The following NRXN3 variants were observed in gnomAD, a reference collection of about 807,000 sequenced individuals.
NRXN3 encodes the protein neurexin 3.
A neutral mutation model predicts 137.6 loss-of-function variants in NRXN3; 32 were observed. That is an observed-to-expected ratio of 0.23 (90% CI 0.18 to 0.31). The LOEUF (loss-of-function observed/expected upper bound fraction) is 0.31. Among genes scored for constraint, NRXN3 ranks in the 10% least tolerant of loss-of-function variants. NRXN3 has a pLI of 1.00. For synonymous variants in NRXN3, 798 were observed against 784.5 expected, an observed-to-expected ratio of 1.02 and a Z score of -0.29; for missense variants, 1,574 against 2,062.5, an observed-to-expected ratio of 0.76 and a Z score of 4.59.
intron 19 of NRXN3, among the ~76,000 whole-genome samples, chr14:79,793,967 G>T (rs2099153317): frequency 6.6e-6 from 1 of 152,134 alleles, no homozygotes; most frequent in Non-Finnish European, 1.5e-5. Context: ...TTCACTTCTT[G>T]ATGCATGCAC....
At chr14:79,690,484 A>C (rs2098712520) in intron 17 of NRXN3, among the ~76,000 whole-genome samples, 3 of 152,038 alleles carry the variant, frequency 2.0e-5, no homozygotes, top group African/African-American at 4.8e-5. Flanking sequence ...GAAACTGTTA[A>C]TTGTTCCTAT....
chr14:78,200,051 G>A (rs910434362), intron 1 of NRXN3, among the ~76,000 whole-genome samples: 2 of 152,204 alleles, frequency 1.3e-5, no homozygotes, highest in African/African-American at 2.4e-5. Context: ...ACAGCTCCTG[G>A]CATTCAACAA....
At chr14:79,531,921 G>C (rs1158224702) in intron 16 of NRXN3, among the ~76,000 whole-genome samples, 1 of 152,188 alleles carries the variant, frequency 6.6e-6, no homozygotes, top group Non-Finnish European at 1.5e-5. Flanking sequence ...ATCAAGGGGA[G>C]TGAGCAGAAA....
intron 16 of NRXN3, among the ~76,000 whole-genome samples, chr14:79,505,018 C>A (rs967843751): frequency 4.6e-5 from 7 of 151,990 alleles, no homozygotes; most frequent in Non-Finnish European, 1.0e-4. Flanking sequence ...AGTTTGAGAC[C>A]AGCCTGAACA....
At chr14:79,800,915 T>G (rs1366865603) in intron 19 of NRXN3, among the ~76,000 whole-genome samples, 1 of 152,246 alleles carries the variant, frequency 6.6e-6, no homozygotes, top group Non-Finnish European at 1.5e-5. Flanking sequence ...ATTTTCTAGA[T>G]GTTAGGGACA....
intron 4 of NRXN3, among the ~76,000 whole-genome samples, chr14:78,473,868 C>G (rs946773508): frequency 1.3e-5 from 2 of 152,154 alleles, no homozygotes; most frequent in African/African-American, 4.8e-5. Context: ...CTTGAATGTC[C>G]TAATTATGAG....
chr14:79,792,183 C>G (rs1399874092), intron 19 of NRXN3, among the ~76,000 whole-genome samples: 1 of 151,252 alleles, frequency 6.6e-6, no homozygotes, highest in Admixed American at 6.6e-5. Flanking sequence ...CAGCACCTCT[C>G]AAAACAGAAA....
rs10143375 is a variant in NRXN3, at chr14:79,474,140, T to C, written c.3444+6738T>C. The stretch of plus-strand genomic sequence containing the variant: ...GATTTGAGTTCCATTTTTCAATCCA[T>C]TTCTGTCAGTGAGCTATGTGACTTT... On this transcript the variant is annotated intron_variant, in intron 16 of 20. Transcript: ENST00000335750. Among the ~76,000 whole-genome samples the C allele has an allele frequency of 2.8e-3, 424 of 152,294 alleles. 4 individuals carry two copies. The highest frequency in any genetic ancestry group is 9.9e-3 in the African/African-American group (412 of 41,566).
At chr14:78,501,193 A>G (rs1376459711) in intron 4 of NRXN3, among the ~76,000 whole-genome samples, 1 of 152,096 alleles carries the variant, frequency 6.6e-6, no homozygotes, top group Non-Finnish European at 1.5e-5. Context: ...TGGAGGAGGA[A>G]CTCAGGCATA....
At position 79,115,274 on chromosome 14, in the gene NRXN3, G is replaced by A. The variant is rs138547339; in HGVS notation, c.3262+127133G>A. 5.4e-3 allele frequency among the ~76,000 whole-genome samples: 791 copies of A among 146,494 alleles called. 5 individuals are homozygous for A. The highest frequency in any genetic ancestry group is 8.7e-3 in the Non-Finnish European group (586 of 67,362). On this transcript the variant is annotated intron_variant, in intron 15 of 20. Transcript: ENST00000335750. ...TGGGAGACGGAGGCTGCGGTCAGCC[G>A]AGATTGCGCCATTGCACTCCAGCCT...
chr14:79,409,351 A>G (rs1300701936), intron 15 of NRXN3, among the ~76,000 whole-genome samples: 4 of 151,698 alleles, frequency 2.6e-5, no homozygotes, highest in Non-Finnish European at 4.4e-5. Context: ...AGCATACTAC[A>G]TATGTATACA....
At chr14:78,647,724 G>A (rs566215088) in intron 5 of NRXN3, among the ~76,000 whole-genome samples, 116 of 152,292 alleles carry the variant, frequency 7.6e-4, no homozygotes, top group South Asian at 2.9e-3. Flanking sequence ...TATTGAAAGA[G>A]GAAAATCTCT....
chr14:79,182,437 C>G (rs1362349068), intron 15 of NRXN3, among the ~76,000 whole-genome samples: 1 of 151,830 alleles, frequency 6.6e-6, no homozygotes, highest in Non-Finnish European at 1.5e-5. Flanking sequence ...AGTGACAGAT[C>G]ATCAGGTATT....
chr14:79,201,807 A>G (rs1160408345), intron 15 of NRXN3, among the ~76,000 whole-genome samples: 1 of 152,238 alleles, frequency 6.6e-6, no homozygotes. Flanking sequence ...TTTACATAGC[A>G]TTGACCTTTT....
chr14:79,039,937 C>T (rs1193362841), intron 15 of NRXN3, among the ~76,000 whole-genome samples: 1 of 152,160 alleles, frequency 6.6e-6, no homozygotes, highest in East Asian at 1.9e-4. Flanking sequence ...CTACTGACCT[C>T]AAATGATCTT....
intron 15 of NRXN3, among the ~76,000 whole-genome samples, chr14:79,110,470 C>T (rs1416811757): frequency 1.3e-5 from 2 of 152,196 alleles, no homozygotes; most frequent in African/African-American, 4.8e-5. Context: ...ATGAGGACAC[C>T]ACTGTCACTT....
rs10638142 is a variant in NRXN3 at position 78,173,709 on chromosome 14, C to CTTTTTTTT, written c.-704+3043_-704+3050dup. On this transcript the variant is annotated intron_variant, in intron 1 of 20. Coordinates refer to ENST00000335750, the MANE Select transcript of NRXN3 (RefSeq NM_001330195.2). The stretch of plus-strand genomic sequence containing the variant: ...CGGCTCTTTTTTCCCTTTTTCCTTG[C>CTTTTTTTT]TTTTTTTTTTTTTTTGCAACACAAC... Among the ~76,000 whole-genome samples, 36 of 69,336 alleles carry CTTTTTTTT rather than the reference C, an allele frequency of 5.2e-4. 5 individuals carry two copies. The highest frequency in any genetic ancestry group is 9.2e-4 in the African/African-American group (15 of 16,248). 45.5% of individuals were successfully genotyped at this position (69,336 alleles called of 152,430 possible). A position where few individuals can be genotyped will look rare whatever the true frequency, so the allele number is the denominator to read the frequency against.
intron 15 of NRXN3, among the ~76,000 whole-genome samples, chr14:79,456,229 C>A (rs2096255106): frequency 6.6e-6 from 1 of 152,194 alleles, no homozygotes; most frequent in South Asian, 2.1e-4. Flanking sequence ...GAATATGCTT[C>A]TTTGGTAAAA....
chr14:78,470,578 A>C (rs1018810151), intron 4 of NRXN3, among the ~76,000 whole-genome samples: 1 of 152,108 alleles, frequency 6.6e-6, no homozygotes, highest in Non-Finnish European at 1.5e-5. Flanking sequence ...CTGGTTGGTT[A>C]ATACATATGG....
Sources: gnomAD v4.1 joint callset for allele counts (sites outside exome capture counted in the v4.1 genomes callset) on GRCh38, gnomAD v4.1.1 for gene constraint, MANE v1.5 for transcripts, NCBI Gene and HGNC (gene_info 2026-07-23, HGNC 2026-07-21) for gene names.